Variants in GRID2 observed in about 807,000 individuals in gnomAD.
The protein encoded by GRID2 is glutamate ionotropic receptor delta type subunit 2, also known as glutamate receptor ionotropic, delta-2.
Under a neutral mutation model 114.8 loss-of-function variants are expected in GRID2, and 33 were observed. That is an observed-to-expected ratio of 0.29 (90% CI 0.22 to 0.38). GRID2 has a LOEUF of 0.38. Ranked by LOEUF, GRID2 falls within the 10% of genes least tolerant of loss-of-function variation. The pLI is 1.00. For synonymous variants in GRID2, 505 were observed against 449.9 expected, an observed-to-expected ratio of 1.12 and a Z score of -1.55; for missense variants, 1,184 against 1,257.7, an observed-to-expected ratio of 0.94 and a Z score of 0.89.
At chr4:93,553,529 C>G (rs1388436852) in intron 13 of GRID2, among the ~76,000 whole-genome samples, 5 of 152,152 alleles carry the variant, frequency 3.3e-5, no homozygotes, top group Non-Finnish European at 7.4e-5. Context: ...ATTTTCATTT[C>G]AAATCCTAAT....
intron 1 of GRID2, among the ~76,000 whole-genome samples, chr4:92,325,203 C>T (rs1418423188): frequency 6.6e-6 from 1 of 151,872 alleles, no homozygotes; most frequent in Non-Finnish European, 1.5e-5. Flanking sequence ...TGCCATTTTA[C>T]CCAAATTTTA....
Position 92,857,361 on chromosome 4 carries a change from G to A in GRID2, c.245-227634G>A, listed in dbSNP as rs191771461. Among the ~76,000 whole-genome samples, 173 of 152,294 alleles carry A rather than the reference G, an allele frequency of 1.1e-3. 1 individual carries two copies. Among genetic ancestry groups the A allele is most frequent in the Admixed American group, 2.7e-3 (42 of 15,286 alleles). On this transcript the variant is annotated intron_variant, in intron 2 of 15. Coordinates refer to ENST00000282020, the MANE Select transcript of GRID2 (RefSeq NM_001510.4). ...TGCACCAGTTAGCAAAGTTGTGAAT[G>A]TACAGGGTGTGTTGGTGTGTTCTTA... is the stretch of plus-strand genomic sequence containing the variant.
chr4:92,974,135 A>G (rs1199685862), intron 2 of GRID2, among the ~76,000 whole-genome samples: 1 of 152,348 alleles, frequency 6.6e-6, no homozygotes, highest in South Asian at 2.1e-4. Flanking sequence ...AACCACAATA[A>G]GATACCATCT....
At chr4:92,389,101 A>G (rs1372929216) in intron 1 of GRID2, among the ~76,000 whole-genome samples, 1 of 152,080 alleles carries the variant, frequency 6.6e-6, no homozygotes, top group East Asian at 1.9e-4. Flanking sequence ...TAATGTTGAT[A>G]GTTTAGGAAG....
chr4:93,556,872 C>T (rs960840795), intron 13 of GRID2, among the ~76,000 whole-genome samples: 2 of 152,172 alleles, frequency 1.3e-5, no homozygotes, highest in Non-Finnish European at 2.9e-5. Flanking sequence ...AAGGGAAGCC[C>T]ATCAGACTAA....
chr4:92,427,629 C>T (rs1034290934), intron 1 of GRID2, among the ~76,000 whole-genome samples: 4 of 151,996 alleles, frequency 2.6e-5, no homozygotes, highest in Non-Finnish European at 5.9e-5. Flanking sequence ...AAGGAGATGA[C>T]TTTTTAAAAG....
At chr4:92,782,417 C>T (rs1739126575) in intron 2 of GRID2, among the ~76,000 whole-genome samples, 1 of 152,060 alleles carries the variant, frequency 6.6e-6, no homozygotes, top group South Asian at 2.1e-4. Context: ...TGATTGAAAA[C>T]ACTTACCTAT....
At chr4:92,752,679 CT>C (rs1737510430) in intron 2 of GRID2, among the ~76,000 whole-genome samples, 1 of 152,132 alleles carries the variant, frequency 6.6e-6, no homozygotes, top group Non-Finnish European at 1.5e-5. Context: ...ACAGACTAGA[CT>C]TTTTAAACTG....
At chr4:93,016,254 G>A (rs1182899838) in intron 2 of GRID2, among the ~76,000 whole-genome samples, 1 of 152,042 alleles carries the variant, frequency 6.6e-6, no homozygotes, top group Non-Finnish European at 1.5e-5. Flanking sequence ...AATAGGGAAG[G>A]ATGTCTAGCT....
At chr4:93,793,261 A>T (rs973320053) in intron 1 of GRID2, among the ~76,000 whole-genome samples, 5 of 152,164 alleles carry the variant, frequency 3.3e-5, no homozygotes, top group Admixed American at 2.0e-4. Context: ...GTGTAAGAAA[A>T]TGTCTATACT....
intron 2 of GRID2, among the ~76,000 whole-genome samples, chr4:92,735,938 T>G (rs1294658784): frequency 6.6e-6 from 1 of 152,024 alleles, no homozygotes; most frequent in African/African-American, 2.4e-5. Context: ...AGTTCTAGCT[T>G]AAGACCAGTT....
At chr4:92,794,176 G>A (rs1418859183) in intron 2 of GRID2, among the ~76,000 whole-genome samples, 1 of 151,642 alleles carries the variant, frequency 6.6e-6, no homozygotes, top group Non-Finnish European at 1.5e-5. Flanking sequence ...CAATCCAGTG[G>A]CACATGTAAG....
At chr4:92,685,129 T>A (rs576614326) in intron 2 of GRID2, among the ~76,000 whole-genome samples, 1 of 152,270 alleles carries the variant, frequency 6.6e-6, no homozygotes, top group East Asian at 1.9e-4. Flanking sequence ...GATTAATGAA[T>A]AATTGTTAAA....
At chr4:93,190,293 A>G (rs1740860922) in intron 4 of GRID2, among the ~76,000 whole-genome samples, 1 of 152,140 alleles carries the variant, frequency 6.6e-6, no homozygotes, top group East Asian at 1.9e-4. Flanking sequence ...TTATTAAACT[A>G]CATCTCAAAA....
intron 2 of GRID2, among the ~76,000 whole-genome samples, chr4:92,721,235 T>C (rs903871950): frequency 3.3e-5 from 5 of 152,078 alleles, no homozygotes; most frequent in Non-Finnish European, 4.4e-5. Flanking sequence ...AGAAAGAGGC[T>C]GTTATAAAAT....
chr4:92,366,351 C>T (rs949011218), intron 1 of GRID2, among the ~76,000 whole-genome samples: 1 of 151,938 alleles, frequency 6.6e-6, no homozygotes, highest in African/African-American at 2.4e-5. Context: ...AGCTAGAAAA[C>T]ATTTGACAAA....
rs186134675 is a variant in GRID2, at chr4:92,525,708, A to G, written c.89-64423A>G. On this transcript the variant is annotated intron_variant, in intron 1 of 15. Coordinates refer to ENST00000282020, the MANE Select transcript of GRID2 (RefSeq NM_001510.4). ...TGAGTGCAGAGGAAATTTTGGGTTG[A>G]GCCAGGTTTTATTTAAGGCACAAAA... Among the ~76,000 whole-genome samples, 172 of 152,218 alleles carry G rather than the reference A, an allele frequency of 1.1e-3. 1 individual carries two copies. Among genetic ancestry groups the G allele is most frequent in the South Asian group, 6.4e-3 (31 of 4,830 alleles).
rs1309568441 is a variant in GRID2, at chr4:93,533,298, CTTCCTTCCTTCCTTCCTTCT to C, written c.2193+17894_2193+17913del. On this transcript the variant is annotated intron_variant, in intron 13 of 15. Coordinates refer to ENST00000282020, the MANE Select transcript of GRID2 (RefSeq NM_001510.4). Reference sequence around the variant, plus strand: ...CCTTCCTTCCTTCCTTCCTTCCTTCCTTCCTTCCTTCCTTCCTTCTTTCCTTTCTTCCTTTCTTTCTTGCC... The same window carrying C: ...CCTTCCTTCCTTCCTTCCTTCCTTCCTTCCTTTCTTCCTTTCTTTCTTGCC... Among the ~76,000 whole-genome samples the C allele has an allele frequency of 3.6e-5, 4 of 110,666 alleles. 1 individual carries two copies. Among genetic ancestry groups the C allele is most frequent in the Non-Finnish European group, 6.2e-5 (3 of 48,110 alleles). The allele number at this position is 110,666 out of a possible 152,430, so 72.6% of individuals were successfully genotyped here.
chr4:93,806,363 T>C (rs139083252), intron 1 of GRID2, among the ~76,000 whole-genome samples: 1 of 152,192 alleles, frequency 6.6e-6, no homozygotes, highest in Non-Finnish European at 1.5e-5. Context: ...TGACTCTCCA[T>C]GTGAGAGCGA....
Sources: allele counts gnomAD v4.1 joint callset (sites outside exome capture counted in the v4.1 genomes callset), GRCh38; gene constraint gnomAD v4.1.1; transcripts MANE v1.5; gene names NCBI Gene and HGNC (gene_info 2026-07-23, HGNC 2026-07-21).